USP34: variants seen among roughly 807,000 people sequenced by gnomAD.
USP34 encodes ubiquitin carboxyl-terminal hydrolase 34.
A neutral mutation model predicts 460.3 loss-of-function variants in USP34; 70 were observed. That is an observed-to-expected ratio of 0.15 (90% CI 0.13 to 0.19). USP34 has a LOEUF of 0.19. USP34 is among the 10% of genes least tolerant of loss of function. The probability of loss-of-function intolerance (pLI) is 1.00; values close to 1 mark genes in which losing one functional copy is unlikely to be tolerated. For synonymous variants in USP34, 1,647 were observed against 1,405.3 expected, an observed-to-expected ratio of 1.17 and a Z score of -3.85; for missense variants, 3,985 against 4,236.2, an observed-to-expected ratio of 0.94 and a Z score of 1.65.
At chr2:61,256,358 TA>T in intron 48 of USP34, 25 bp downstream of exon 48, 2 of 1,579,706 alleles carry the variant, frequency 1.3e-6, no homozygotes, top group Non-Finnish European at 1.7e-6. Flanking sequence ...GTGAACATAA[TA>T]AAAATCACAT....
intron 41 of USP34, among the ~76,000 whole-genome samples, chr2:61,267,220 T>G (rs1344257088): frequency 6.6e-6 from 1 of 152,192 alleles, no homozygotes; most frequent in Non-Finnish European, 1.5e-5. Flanking sequence ...GTAATAAATC[T>G]TAGCCATGAG....
At chr2:61,254,591 T>C (rs996149190) in intron 48 of USP34, among the ~76,000 whole-genome samples, 1 of 152,368 alleles carries the variant, frequency 6.6e-6, no homozygotes, top group African/African-American at 2.4e-5. Flanking sequence ...CCGATTTCTA[T>C]TTGTCTTTCA....
intron 53 of USP34, among the ~76,000 whole-genome samples, chr2:61,238,133 T>C (rs571929140): frequency 3.3e-5 from 5 of 152,016 alleles, no homozygotes; most frequent in Admixed American, 1.3e-4. Flanking sequence ...TGACCTCAAG[T>C]GATCCACCTG....
intron 10 of USP34, among the ~76,000 whole-genome samples, chr2:61,357,205 C>T (rs1388140880): frequency 7.9e-5 from 12 of 152,138 alleles, no homozygotes; most frequent in Admixed American, 7.2e-4. Flanking sequence ...CAAGTCTCAA[C>T]AGATATTAAA....
At chr2:61,379,349 T>C (rs1692903428) in intron 7 of USP34, among the ~76,000 whole-genome samples, 1 of 151,998 alleles carries the variant, frequency 6.6e-6, no homozygotes, top group African/African-American at 2.4e-5. Context: ...TAAAAACCCA[T>C]CTCTACTAAA....
intron 34 of USP34, among the ~76,000 whole-genome samples, chr2:61,287,810 A>C (rs1385119006): frequency 1.3e-5 from 2 of 152,206 alleles, no homozygotes; most frequent in African/African-American, 4.8e-5. Context: ...GGGAGTCAAA[A>C]GTTATATACA....
At chr2:61,425,874 T>G (rs1283034328) in intron 1 of USP34, among the ~76,000 whole-genome samples, 2 of 151,876 alleles carry the variant, frequency 1.3e-5, no homozygotes, top group African/African-American at 2.4e-5. Context: ...AAAGATGCCT[T>G]CCTTCTGTTT....
At chr2:61,414,414 T>C (rs1694136792) in intron 2 of USP34, among the ~76,000 whole-genome samples, 1 of 152,156 alleles carries the variant, frequency 6.6e-6, no homozygotes, top group South Asian at 2.1e-4. Context: ...TCCAATAAGA[T>C]CTATCAATAA....
At chr2:61,334,071 C>CA (rs1691348382) in intron 18 of USP34, 100 bp from the exon 19 acceptor site, 1 of 734,696 alleles carries the variant, frequency 1.4e-6, no homozygotes, top group Non-Finnish European at 2.1e-6. Flanking sequence ...ATGAATCTTG[C>CA]ATAGAGACAT....
intron 5 of USP34, among the ~76,000 whole-genome samples, chr2:61,384,417 C>G (rs1315444554): frequency 6.6e-6 from 1 of 152,038 alleles, no homozygotes; most frequent in East Asian, 1.9e-4. Flanking sequence ...TGCCTATAAT[C>G]CCAGCACTCT....
At position 61,251,793 on chromosome 2, in the gene USP34, G is replaced by A. The variant is rs1688589766; in HGVS notation, c.6222-3110C>T. Among the ~76,000 whole-genome samples, 5 of 152,080 alleles carry A rather than the reference G, an allele frequency of 3.3e-5. No homozygotes were observed. In the South Asian group the frequency reaches 1.0e-3, roughly 32 times the overall value. On this transcript the variant is annotated intron_variant, in intron 48 of 79. Coordinates refer to ENST00000398571, the MANE Select transcript of USP34 (RefSeq NM_014709.4). Reference sequence around the variant, plus strand: ...ATTTACATAAGGTTTAACATCAAATGCCATAAAAGCTTCTTGATGAAACCA... The same window carrying A: ...ATTTACATAAGGTTTAACATCAAATACCATAAAAGCTTCTTGATGAAACCA...
chr2:61,360,658 T>C (rs551374695), intron 10 of USP34, among the ~76,000 whole-genome samples: 59 of 152,320 alleles, frequency 3.9e-4, no homozygotes, highest in African/African-American at 1.4e-3. Flanking sequence ...AAAATCTCAA[T>C]GGCAGTCTTT....
At chr2:61,360,408 T>C (rs1169150227) in intron 10 of USP34, among the ~76,000 whole-genome samples, 1 of 152,118 alleles carries the variant, frequency 6.6e-6, no homozygotes, top group Non-Finnish European at 1.5e-5. Context: ...AAGCAGGCTA[T>C]CTGAAAACGC....
intron 69 of USP34, among the ~76,000 whole-genome samples, chr2:61,209,526 C>T (rs371395298): frequency 1.8e-4 from 27 of 152,328 alleles, no homozygotes; most frequent in African/African-American, 6.5e-4. Flanking sequence ...GACTTCATAG[C>T]CATGGTAACA....
At position 61,348,366 on chromosome 2, in the gene USP34, G is replaced by A; in HGVS notation, c.1789C>T (p.His597Tyr). Reference sequence around the variant, plus strand: ...GGGCTCCCAGCTGACTGGCTTGCGTGGCTAGAATTAACCTCATTGCTAGAT... The same window carrying A: ...GGGCTCCCAGCTGACTGGCTTGCGTAGCTAGAATTAACCTCATTGCTAGAT... ...DGSSNEVNSS[H>Y]ASQSAGSPGS... Residue 597 changes from histidine to tyrosine, a missense_variant, in exon 15 of 80, where the codon CAC (histidine) becomes TAC (tyrosine). By Grantham distance (83) the His-to-Tyr change is moderately conservative. This residue lies in a region of USP34 where 716 missense variants were observed against 626.2 expected (regional missense o/e 1.14). Transcript: ENST00000398571. The A allele has an allele frequency of 6.2e-7, 1 of 1,613,982 alleles. No individual in the cohort carries two copies. The highest frequency in any genetic ancestry group is 8.5e-7 in the Non-Finnish European group (1 of 1,180,020).
intron 44 of USP34, among the ~76,000 whole-genome samples, chr2:61,259,037 A>G (rs1166066652): frequency 1.3e-5 from 2 of 152,144 alleles, no homozygotes; most frequent in African/African-American, 4.8e-5. Flanking sequence ...AGGCAGGCAG[A>G]TCACTTGAGA....
chr2:61,311,814 A>C lies in USP34; in HGVS notation c.3639T>G (p.Val1213=), dbSNP rs747867571. The C allele has an allele frequency of 6.2e-7, 1 of 1,614,026 alleles. No individual in the cohort carries two copies. Among genetic ancestry groups the C allele is most frequent in the Non-Finnish European group, 8.5e-7 (1 of 1,179,946 alleles). ...LSDKQSLPLR[V]VCQPAGLPDK... Reference sequence around the variant, plus strand: ...CAGGAAGTCCAGCTGGCTGGCATACAACCCTTAGCGGCAGAGACTGTTTGT... The same window carrying C: ...CAGGAAGTCCAGCTGGCTGGCATACCACCCTTAGCGGCAGAGACTGTTTGT... The change falls in exon 26 of 80, where the codon GTT becomes GTG. Residue 1213 remains valine, a synonymous_variant. Coordinates refer to ENST00000398571, the MANE Select transcript of USP34 (RefSeq NM_014709.4).
At chr2:61,387,970 T>A (rs969627766) in intron 5 of USP34, among the ~76,000 whole-genome samples, 12 of 147,772 alleles carry the variant, frequency 8.1e-5, no homozygotes, top group Admixed American at 4.1e-4. Flanking sequence ...TATATATATA[T>A]AAATATAAAA....
At chr2:61,322,774 T>C (rs1383396696) in intron 21 of USP34, among the ~76,000 whole-genome samples, 2 of 152,196 alleles carry the variant, frequency 1.3e-5, no homozygotes, top group African/African-American at 2.4e-5. Flanking sequence ...TTCTGAGAAC[T>C]TGTGCCCATA....
Sources: allele counts gnomAD v4.1 joint callset (sites outside exome capture counted in the v4.1 genomes callset), GRCh38; gene constraint gnomAD v4.1.1; regional missense constraint gnomAD v4.1.1; transcripts MANE v1.5; gene names NCBI Gene and HGNC (gene_info 2026-07-23, HGNC 2026-07-21).